IMMP2L: variants seen among roughly 807,000 people sequenced by gnomAD.
IMMP2L encodes the protein mitochondrial inner membrane protease subunit 2.
IMMP2L carries 18 observed loss-of-function variants against 19.3 expected under a neutral mutation model. The ratio of observed to expected loss-of-function variants is 0.93; its 90% CI spans 0.64 to 1.38. The LOEUF (loss-of-function observed/expected upper bound fraction) is 1.38, where lower values mean the gene tolerates loss of function less well. IMMP2L is among the 40% of genes most tolerant of loss of function. The pLI, the probability that IMMP2L is intolerant of heterozygous loss-of-function variation, is 0.00. For missense variants in IMMP2L, 233 were observed against 218.2 expected, an observed-to-expected ratio of 1.07 and a Z score of -0.43; for synonymous variants, 76 against 73.0, an observed-to-expected ratio of 1.04 and a Z score of -0.21.
chr7:111,110,112 G>A (rs1799027985), intron 3 of IMMP2L, among the ~76,000 whole-genome samples: 1 of 152,156 alleles, frequency 6.6e-6, no homozygotes, highest in African/African-American at 2.4e-5. Flanking sequence ...TCCAGCCTAG[G>A]CAACACAGTG....
intron 4 of IMMP2L, among the ~76,000 whole-genome samples, chr7:110,887,436 AT>A (rs1388489881): frequency 1.3e-5 from 2 of 152,064 alleles, no homozygotes; most frequent in Non-Finnish European, 2.9e-5. Flanking sequence ...CTATACTTCC[AT>A]TTTAGGCCAA....
chr7:111,545,453 C>A (rs1848842464), intron 1 of IMMP2L, among the ~76,000 whole-genome samples: 1 of 152,138 alleles, frequency 6.6e-6, no homozygotes, highest in African/African-American at 2.4e-5. Flanking sequence ...TGCAGCGGCG[C>A]AATCTCAGCT....
chr7:111,054,611 G>T (rs1213041128), intron 3 of IMMP2L, among the ~76,000 whole-genome samples: 1 of 152,210 alleles, frequency 6.6e-6, no homozygotes, highest in South Asian at 2.1e-4. Flanking sequence ...CCACAGAAGA[G>T]AAGGCGTTTT....
intron 5 of IMMP2L, among the ~76,000 whole-genome samples, chr7:110,811,229 C>T (rs533212424): frequency 5.3e-5 from 8 of 152,158 alleles, no homozygotes; most frequent in African/African-American, 1.9e-4. Flanking sequence ...GCAATTTTCT[C>T]TATTTTTATA....
At chr7:110,969,184 T>A (rs1203276915) in intron 3 of IMMP2L, among the ~76,000 whole-genome samples, 3 of 152,138 alleles carry the variant, frequency 2.0e-5, no homozygotes, top group African/African-American at 7.2e-5. Flanking sequence ...TTTTTAGTTT[T>A]GGATTCTGTA....
intron 3 of IMMP2L, chr7:111,097,322 G>T (rs1410264802): frequency 1.3e-5 from 2 of 151,854 alleles, no homozygotes; most frequent in Non-Finnish European, 2.9e-5. Context: ...ACTTACAAGT[G>T]ACATGAATAA....
At chr7:111,315,442 CAAAT>C (rs981161786) in intron 3 of IMMP2L, among the ~76,000 whole-genome samples, 6 of 150,390 alleles carry the variant, frequency 4.0e-5, no homozygotes, top group Non-Finnish European at 5.9e-5. Context: ...AAAAAAAAAA[CAAAT>C]AAATAAAGTG....
chr7:110,685,033 T>C (rs749802064), intron 5 of IMMP2L, among the ~76,000 whole-genome samples: 8 of 152,068 alleles, frequency 5.3e-5, no homozygotes, highest in Admixed American at 3.9e-4. Flanking sequence ...TTCTTCATTA[T>C]CTTAAATAAA....
At chr7:110,982,662 C>G (rs1821423616) in intron 3 of IMMP2L, among the ~76,000 whole-genome samples, 1 of 152,036 alleles carries the variant, frequency 6.6e-6, no homozygotes, top group Non-Finnish European at 1.5e-5. Context: ...ACTTCGTGAC[C>G]ACTAATGTAT....
chr7:111,345,619 CA>C (rs148231393), intron 3 of IMMP2L, among the ~76,000 whole-genome samples: 8,220 of 152,086 alleles, frequency 0.054, 322 homozygotes, highest in African/African-American at 0.1. Context: ...ACATGATATG[CA>C]AAAACTGAGT....
At chr7:111,141,561 T>C (rs1471737282) in intron 3 of IMMP2L, among the ~76,000 whole-genome samples, 2 of 152,142 alleles carry the variant, frequency 1.3e-5, no homozygotes, top group African/African-American at 4.8e-5. Flanking sequence ...TCTATAGAAT[T>C]ATAAATCTGC....
intron 5 of IMMP2L, among the ~76,000 whole-genome samples, chr7:110,671,409 C>A (rs559710248): frequency 5.3e-5 from 8 of 152,148 alleles, no homozygotes; most frequent in Non-Finnish European, 1.5e-5. Flanking sequence ...GTATTCACTA[C>A]TTGAATATTC....
chr7:110,718,126 G>A (rs1280420626), intron 5 of IMMP2L, among the ~76,000 whole-genome samples: 1 of 152,182 alleles, frequency 6.6e-6, no homozygotes, highest in Non-Finnish European at 1.5e-5. Context: ...GGCAGTGAAA[G>A]TAAATGAAGA....
chr7:110,943,051 C>T (rs1816888864), intron 4 of IMMP2L, among the ~76,000 whole-genome samples: 1 of 151,942 alleles, frequency 6.6e-6, no homozygotes, highest in South Asian at 2.1e-4. Flanking sequence ...TATACCTTTA[C>T]TTATGAGACT....
intron 3 of IMMP2L, among the ~76,000 whole-genome samples, chr7:111,158,291 T>A (rs956611975): frequency 6.6e-6 from 1 of 152,090 alleles, no homozygotes; most frequent in Admixed American, 6.6e-5. Flanking sequence ...TAGATAGATA[T>A]AGATACACAT....
intron 3 of IMMP2L, among the ~76,000 whole-genome samples, chr7:111,139,139 A>AT (rs915583580): frequency 2.0e-5 from 3 of 152,082 alleles, no homozygotes; most frequent in African/African-American, 4.8e-5. Context: ...ATAAGCCTGG[A>AT]TTTTTTTATC....
intron 5 of IMMP2L, among the ~76,000 whole-genome samples, chr7:110,672,064 C>A: frequency 6.6e-6 from 1 of 152,008 alleles, no homozygotes; most frequent in East Asian, 1.9e-4. Context: ...TTGTATTATT[C>A]CATTATCATG....
At chr7:111,478,588 T>C (rs1252935832) in intron 3 of IMMP2L, among the ~76,000 whole-genome samples, 1 of 151,726 alleles carries the variant, frequency 6.6e-6, no homozygotes, top group African/African-American at 2.4e-5. Context: ...TGTTTGTTTG[T>C]TTGTTTTTGG....
chr7:110,671,367 C>G (rs184184256), intron 5 of IMMP2L, among the ~76,000 whole-genome samples: 1 of 152,180 alleles, frequency 6.6e-6, no homozygotes, highest in African/African-American at 2.4e-5. Context: ...AATAGAAGTT[C>G]TAATTTTTTT....
Sources: gnomAD v4.1 joint callset for allele counts (sites outside exome capture counted in the v4.1 genomes callset) on GRCh38, gnomAD v4.1.1 for gene constraint, MANE v1.5 for transcripts, NCBI Gene and HGNC (gene_info 2026-07-23, HGNC 2026-07-21) for gene names.